Variants in KCNAB1 observed in about 807,000 individuals in gnomAD.
The protein encoded by KCNAB1 is potassium voltage-gated channel subfamily A regulatory beta subunit 1.
A neutral mutation model predicts 64.6 loss-of-function variants in KCNAB1; 35 were observed. The observed-to-expected ratio is 0.54, with a 90% CI of 0.41 to 0.72. The LOEUF is 0.72. Ranked by LOEUF, KCNAB1 falls within the 30% of genes least tolerant of loss-of-function variation. The pLI, the probability that KCNAB1 is intolerant of heterozygous loss-of-function variation, is 0.00. For missense variants in KCNAB1, 401 were observed against 512.9 expected, an observed-to-expected ratio of 0.78 and a Z score of 2.11; for synonymous variants, 177 against 183.8, an observed-to-expected ratio of 0.96 and a Z score of 0.30.
chr3:156,443,650 T>C (rs1328080187), intron 2 of KCNAB1, among the ~76,000 whole-genome samples: 4 of 152,056 alleles, frequency 2.6e-5, no homozygotes, highest in Non-Finnish European at 4.4e-5. Context: ...TGAGGATGTC[T>C]TTCTCATTTG....
At position 156,538,380 on chromosome 3, in the gene KCNAB1, A is replaced by AGAAATTTTCT. The variant is rs1719211552; in HGVS notation, c.*1634_*1643dup. 6.6e-6 allele frequency: 1 copy of AGAAATTTTCT among 152,248 alleles called. No homozygotes were observed. The highest frequency in any genetic ancestry group is 6.5e-5 in the Admixed American group (1 of 15,288). The allele number at this position is 152,248 out of a possible 1,614,324, so 9.4% of individuals were successfully genotyped here. On this transcript the variant is annotated 3_prime_UTR_variant, in exon 14 of 14. Transcript: ENST00000490337. Reference sequence around the variant, plus strand: ...CTGAAAATGCTAGTGGGAGATATCAAGAAATTTTCTTTTTGATTACTAGTA... The same window carrying AGAAATTTTCT: ...CTGAAAATGCTAGTGGGAGATATCAAGAAATTTTCTGAAATTTTCTTTTTGATTACTAGTA...
chr3:156,384,925 T>A (rs561184707), intron 1 of KCNAB1, among the ~76,000 whole-genome samples: 111 of 152,232 alleles, frequency 7.3e-4, no homozygotes, highest in African/African-American at 2.5e-3. Context: ...GCAATGAATA[T>A]CATTTTTTCT....
intron 1 of KCNAB1, among the ~76,000 whole-genome samples, chr3:156,238,354 G>A (rs907618287): frequency 3.3e-5 from 5 of 149,470 alleles, no homozygotes; most frequent in East Asian, 2.0e-4. Flanking sequence ...CCCGGGAGGC[G>A]GAACTTGCAG....
intron 1 of KCNAB1, among the ~76,000 whole-genome samples, chr3:156,335,911 G>T (rs1723674549): frequency 1.4e-5 from 2 of 145,968 alleles, no homozygotes; most frequent in South Asian, 4.3e-4. Flanking sequence ...GGTCCTTTTG[G>T]CTAACATTGT....
In KCNAB1 at chr3:156,435,241, C is replaced by G. The variant is rs1427339733; in HGVS notation, c.319+13582C>G. On this transcript the variant is annotated intron_variant, in intron 2 of 13. Transcript: ENST00000490337. Reference sequence around the variant, plus strand: ...GTAGAGAGGGTTATAGTTTGTCTTGCTTTATTTTCTTTTTGAAGCAGGAGG... The same window carrying G: ...GTAGAGAGGGTTATAGTTTGTCTTGGTTTATTTTCTTTTTGAAGCAGGAGG... 3.3e-5 allele frequency among the ~76,000 whole-genome samples: 5 copies of G among 152,298 alleles called. No individual in the cohort carries two copies. In the South Asian group the frequency reaches 1.0e-3, roughly 32 times the overall value.
intron 1 of KCNAB1, among the ~76,000 whole-genome samples, chr3:156,255,783 A>G (rs1718069098): frequency 6.6e-6 from 1 of 152,192 alleles, no homozygotes; most frequent in African/African-American, 2.4e-5. Flanking sequence ...CTCAGAATGA[A>G]TCTCTCCTTG....
chr3:156,497,576 C>T (rs1199352617), intron 8 of KCNAB1, among the ~76,000 whole-genome samples: 1 of 152,214 alleles, frequency 6.6e-6, no homozygotes, highest in Non-Finnish European at 1.5e-5. Flanking sequence ...CAAGATTCCA[C>T]ATCCGTCTGT....
chr3:156,433,995 G>A (rs932517984), intron 2 of KCNAB1, among the ~76,000 whole-genome samples: 2 of 152,154 alleles, frequency 1.3e-5, no homozygotes, highest in Admixed American at 6.5e-5. Context: ...GGGAACATTG[G>A]GGGTTTAATA....
chr3:156,231,528 CTCCCTTCT>C (rs937829861), intron 1 of KCNAB1, among the ~76,000 whole-genome samples: 2 of 127,886 alleles, frequency 1.6e-5, no homozygotes, highest in African/African-American at 5.8e-5. Flanking sequence ...TCCTCCCTTT[CTCCCTTCT>C]TCCCTTCTTC....
intron 1 of KCNAB1, among the ~76,000 whole-genome samples, chr3:156,376,100 G>A (rs911625442): frequency 1.1e-4 from 16 of 152,210 alleles, no homozygotes; most frequent in African/African-American, 2.2e-4. Flanking sequence ...GATTACAGGC[G>A]TGAACCACCT....
intron 1 of KCNAB1, among the ~76,000 whole-genome samples, chr3:156,360,547 C>T (rs1725534119): frequency 6.6e-6 from 1 of 151,952 alleles, no homozygotes; most frequent in Non-Finnish European, 1.5e-5. Context: ...CCCTTCTCTA[C>T]AAAATAAAAA....
chr3:156,221,450 C>T (rs2108414555), intron 1 of KCNAB1, among the ~76,000 whole-genome samples: 1 of 152,228 alleles, frequency 6.6e-6, no homozygotes, highest in South Asian at 2.1e-4. Context: ...GGGGTCCTAT[C>T]TTTAGCCCCC....
chr3:156,181,828 G>A lies in KCNAB1; in HGVS notation c.275+60942G>A, dbSNP rs74934723. Among the ~76,000 whole-genome samples the A allele has an allele frequency of 9.7e-3, 1,484 of 152,268 alleles. 22 individuals carry two copies. The highest frequency in any genetic ancestry group is 0.034 in the African/African-American group (1,420 of 41,550). On this transcript the variant is annotated intron_variant, in intron 1 of 13. Coordinates refer to ENST00000490337, the MANE Select transcript of KCNAB1 (RefSeq NM_172160.3). ...AAGGCAGTGAGGTGGGGTAGGGGGA[G>A]TAAAGACGTTGAACTCAATTTAGGA...
chr3:156,463,648 A>G (rs1175066236), intron 5 of KCNAB1, 54 bp from the exon 6 acceptor site: 1 of 1,348,802 alleles, frequency 7.4e-7, no homozygotes, highest in African/African-American at 1.5e-5. Context: ...ATGACTCGGT[A>G]CAATAACCTG....
At chr3:156,199,817 T>C (rs967249651) in intron 1 of KCNAB1, among the ~76,000 whole-genome samples, 1 of 152,254 alleles carries the variant, frequency 6.6e-6, no homozygotes. Context: ...AGCCTGCTTC[T>C]GTCAATTCAT....
At chr3:156,535,213 A>G (rs1026630521) in intron 13 of KCNAB1, among the ~76,000 whole-genome samples, 2 of 152,196 alleles carry the variant, frequency 1.3e-5, no homozygotes, top group African/African-American at 4.8e-5. Context: ...GCCAAACCCT[A>G]AGGCTTCTGA....
At chr3:156,277,902 T>C (rs1297003575) in intron 1 of KCNAB1, among the ~76,000 whole-genome samples, 1 of 152,164 alleles carries the variant, frequency 6.6e-6, no homozygotes, top group East Asian at 1.9e-4. Flanking sequence ...CCAATACTTG[T>C]TATCTCTTGT....
chr3:156,485,131 T>G (rs1715106677), intron 8 of KCNAB1, among the ~76,000 whole-genome samples: 3 of 152,140 alleles, frequency 2.0e-5, no homozygotes, highest in Non-Finnish European at 2.9e-5. Flanking sequence ...GAAGATGTAA[T>G]AATCAAAGTT....
intron 1 of KCNAB1, among the ~76,000 whole-genome samples, chr3:156,333,258 T>A (rs1204609485): frequency 6.6e-6 from 1 of 152,002 alleles, no homozygotes; most frequent in African/African-American, 2.4e-5. Context: ...CGCTGGACTG[T>A]AACCAGTTTT....
Sources: allele counts gnomAD v4.1 joint callset (sites outside exome capture counted in the v4.1 genomes callset), GRCh38; gene constraint gnomAD v4.1.1; transcripts MANE v1.5; gene names NCBI Gene and HGNC (gene_info 2026-07-23, HGNC 2026-07-21).